Variants in CNIH3 observed in about 807,000 individuals in gnomAD.
CNIH3 encodes cornichon family AMPA receptor auxiliary protein 3.
In CNIH3, 14 loss-of-function variants were observed where a neutral mutation model predicts 24.1. The ratio of observed to expected loss-of-function variants is 0.58; its 90% CI spans 0.38 to 0.91. The LOEUF is 0.91. Ranked by LOEUF, CNIH3 falls within the 40% of genes least tolerant of loss-of-function variation. The pLI, the probability that CNIH3 is intolerant of heterozygous loss-of-function variation, is 0.00. For synonymous variants in CNIH3, 68 were observed against 73.8 expected (o/e 0.92, Z 0.40); for missense variants, 178 against 196.8 (o/e 0.90, Z 0.57).
chr1:224,601,185 T>C (rs978213893), intron 3 of CNIH3, among the ~76,000 whole-genome samples: 17 of 152,208 alleles, frequency 1.1e-4, no homozygotes, highest in Non-Finnish European at 4.4e-5. Flanking sequence ...TTCTATACGC[T>C]GGCATGCTTC....
chr1:224,525,386 A>G (rs1156264010), intron 2 of CNIH3, among the ~76,000 whole-genome samples: 1 of 152,260 alleles, frequency 6.6e-6, no homozygotes, highest in Non-Finnish European at 1.5e-5. Flanking sequence ...TTGCTTTGGC[A>G]TCCAAGGCTT....
chr1:224,492,530 T>A (rs1183058451), intron 1 of CNIH3, among the ~76,000 whole-genome samples: 1 of 152,246 alleles, frequency 6.6e-6, no homozygotes, highest in East Asian at 1.9e-4. Flanking sequence ...ATTTAACCAT[T>A]GTTGCCATGG....
downstream of CNIH3, among the ~76,000 whole-genome samples, chr1:224,540,255 T>C (rs762409561): frequency 5.9e-5 from 9 of 152,240 alleles, no homozygotes; most frequent in East Asian, 7.7e-4. Context: ...GAAATTTCAG[T>C]TGGAAACTTG....
intron 3 of CNIH3, among the ~76,000 whole-genome samples, chr1:224,695,158 A>G (rs567132609): frequency 2.0e-5 from 3 of 152,304 alleles, no homozygotes; most frequent in East Asian, 1.9e-4. Context: ...GCCTCACTCA[A>G]TCAGTTGAAG....
In CNIH3 at chr1:224,673,444, T is replaced by A. The variant is rs151267193; in HGVS notation, c.82-7514T>A. ...TGCAGGCCTTTCCATGCCTCACACC[T>A]GCCAAGCTTATTTCCTGCTTCTGGC... On this transcript the variant is annotated intron_variant, in intron 1 of 5. Coordinates refer to ENST00000272133, the MANE Select transcript of CNIH3 (RefSeq NM_152495.2). Among the ~76,000 whole-genome samples, 295 of 152,316 alleles carry A rather than the reference T, an allele frequency of 1.9e-3. 3 individuals are homozygous for A. The highest frequency in any genetic ancestry group is 6.8e-3 in the African/African-American group (283 of 41,576).
intron 5 of CNIH3, among the ~76,000 whole-genome samples, chr1:224,738,396 C>T (rs546638259): frequency 4.2e-4 from 64 of 152,212 alleles, no homozygotes; most frequent in Admixed American, 1.9e-3. Flanking sequence ...GAGTAAGTCC[C>T]TCTTGCTCCA....
chr1:224,537,959 T>TA (rs1014657364), downstream of CNIH3, among the ~76,000 whole-genome samples: 17 of 150,640 alleles, frequency 1.1e-4, no homozygotes, highest in African/African-American at 3.9e-4. Flanking sequence ...TTATTATTAT[T>TA]TTTTTTTTTG....
chr1:224,469,555 T>C (rs142175801), intron 1 of CNIH3, among the ~76,000 whole-genome samples: 14 of 152,348 alleles, frequency 9.2e-5, no homozygotes, highest in Non-Finnish European at 1.9e-4. Flanking sequence ...TCACCCAGAC[T>C]GGAGCGCAGT....
chr1:224,537,879 C>A (rs1679349898), downstream of CNIH3, among the ~76,000 whole-genome samples: 1 of 151,990 alleles, frequency 6.6e-6, no homozygotes, highest in South Asian at 2.1e-4. Flanking sequence ...GCAAAAGGAA[C>A]TTTATTTTCT....
intron 1 of CNIH3, among the ~76,000 whole-genome samples, chr1:224,642,573 A>C (rs761182261): frequency 1.3e-5 from 2 of 152,162 alleles, no homozygotes; most frequent in Non-Finnish European, 1.5e-5. Context: ...AAGCGGAGGC[A>C]CAGGGAGTAA....
chr1:224,456,806 C>T (rs1474896741), intron 1 of CNIH3, among the ~76,000 whole-genome samples: 2 of 152,358 alleles, frequency 1.3e-5, no homozygotes, highest in East Asian at 3.9e-4. Context: ...CTCGTGCCCT[C>T]CTTGCACAAG....
chr1:224,545,180 C>G (rs554031388), intron 2 of CNIH3, among the ~76,000 whole-genome samples: 1 of 152,312 alleles, frequency 6.6e-6, no homozygotes, highest in South Asian at 2.1e-4. Flanking sequence ...TGTGCAGAAG[C>G]TCCCCAAAGG....
At chr1:224,649,748 C>G (rs965442578) in intron 1 of CNIH3, among the ~76,000 whole-genome samples, 3 of 152,190 alleles carry the variant, frequency 2.0e-5, no homozygotes, top group Non-Finnish European at 4.4e-5. Context: ...CCAGCCCGGT[C>G]CACCAAATGC....
At chr1:224,629,667 T>A (rs1683723012) in intron 1 of CNIH3, among the ~76,000 whole-genome samples, 1 of 151,930 alleles carries the variant, frequency 6.6e-6, no homozygotes, top group Non-Finnish European at 1.5e-5. Context: ...TATTCAGAGG[T>A]GGAATTGCTG....
chr1:224,602,979 A>G (rs1416103916), intron 3 of CNIH3, among the ~76,000 whole-genome samples: 3 of 152,130 alleles, frequency 2.0e-5, no homozygotes, highest in Admixed American at 2.0e-4. Context: ...GTCTGTGGGG[A>G]AAAAAAGCAA....
intron 2 of CNIH3, among the ~76,000 whole-genome samples, chr1:224,535,581 C>T (rs555365200): frequency 1.3e-5 from 2 of 152,138 alleles, no homozygotes; most frequent in Admixed American, 6.5e-5. Context: ...GGATTTACAG[C>T]GGCTGATGGC....
upstream of CNIH3, among the ~76,000 whole-genome samples, chr1:224,512,840 G>C (rs1015748517): frequency 1.3e-5 from 2 of 152,152 alleles, no homozygotes; most frequent in Non-Finnish European, 2.9e-5. Flanking sequence ...GTGTATAGGG[G>C]AACTAAGCTA....
At chr1:224,505,999 A>G (rs1677892812) in intron 1 of CNIH3, among the ~76,000 whole-genome samples, 1 of 152,148 alleles carries the variant, frequency 6.6e-6, no homozygotes, top group Non-Finnish European at 1.5e-5. Context: ...GCCACTTTGG[A>G]AGTATACTCC....
intron 5 of CNIH3, among the ~76,000 whole-genome samples, chr1:224,584,922 T>A (rs1285300678): frequency 2.6e-5 from 4 of 152,218 alleles, no homozygotes; most frequent in Non-Finnish European, 5.9e-5. Flanking sequence ...CTACATCTGC[T>A]GACATCAGCT....
Sources: allele counts gnomAD v4.1 joint callset (sites outside exome capture counted in the v4.1 genomes callset), GRCh38; gene constraint gnomAD v4.1.1; transcripts MANE v1.5; gene names NCBI Gene and HGNC (gene_info 2026-07-23, HGNC 2026-07-21).